Variants in KLF8 observed in about 807,000 individuals in gnomAD.
KLF8 encodes Krueppel-like factor 8.
A neutral mutation model predicts 18.2 loss-of-function variants in KLF8; 10 were observed. That is an observed-to-expected ratio of 0.55 (90% CI 0.34 to 0.93). The LOEUF is 0.93. KLF8 is among the 40% of genes least tolerant of loss of function. KLF8 has a pLI of 0.02. For synonymous variants in KLF8, 109 were observed against 97.3 expected (o/e 1.12, Z -0.71); for missense variants, 264 against 277.9 (o/e 0.95, Z 0.36).
the KLF8 span, among the ~76,000 whole-genome samples, chrX:56,053,205 G>T: frequency 8.9e-6 from 1 of 112,368 alleles, no homozygotes; most frequent in Non-Finnish European, 1.9e-5. Flanking sequence ...ACCTCAGATG[G>T]AAATGCAGAA....
the KLF8 span, among the ~76,000 whole-genome samples, chrX:56,017,277 G>C: frequency 2.7e-5 from 3 of 112,455 alleles, no homozygotes; most frequent in African/African-American, 9.7e-5. Flanking sequence ...TATGTATGCT[G>C]AGAGGGTGGC....
At chrX:56,073,561 AC>A in the KLF8 span, among the ~76,000 whole-genome samples, 1 of 111,149 alleles carries the variant, frequency 9.0e-6, no homozygotes, top group Non-Finnish European at 1.9e-5. Flanking sequence ...CTTTTGAGGT[AC>A]TACTATATTA....
At chrX:56,074,911 A>T in the KLF8 span, 1 of 112,117 alleles carries the variant, frequency 8.9e-6, no homozygotes, top group East Asian at 2.8e-4. Context: ...CCAATCTATG[A>T]ATGCAAGAAG....
the KLF8 span, among the ~76,000 whole-genome samples, chrX:55,999,637 T>G: frequency 9.0e-6 from 1 of 111,230 alleles, no homozygotes; most frequent in Non-Finnish European, 1.9e-5. Context: ...ACTGATTTCT[T>G]GATTTGATTA....
chrX:56,000,963 G>A, the KLF8 span, among the ~76,000 whole-genome samples: 4 of 111,873 alleles, frequency 3.6e-5, no homozygotes, highest in Non-Finnish European at 7.5e-5. Context: ...CAGAGTAATT[G>A]CTAGAATTGC....
chrX:55,921,812 T>G, the KLF8 span, among the ~76,000 whole-genome samples: 2 of 112,038 alleles, frequency 1.8e-5, no homozygotes, highest in African/African-American at 6.5e-5. Flanking sequence ...AGGACATGAA[T>G]AGACACTTCT....
At chrX:56,244,813 T>C (rs1473001369) in intron 1 of KLF8, among the ~76,000 whole-genome samples, 1 of 112,518 alleles carries the variant, frequency 8.9e-6, no homozygotes, top group East Asian at 2.8e-4. Context: ...TTTTTATTTT[T>C]AAATAGTTCC....
At chrX:56,087,131 A>G in the KLF8 span, among the ~76,000 whole-genome samples, 3 of 111,481 alleles carry the variant, frequency 2.7e-5, no homozygotes, top group Non-Finnish European at 5.7e-5. Context: ...CAAACAGAAC[A>G]CAGGTTGCCA....
the KLF8 span, among the ~76,000 whole-genome samples, chrX:56,057,682 G>A: frequency 9.0e-6 from 1 of 111,441 alleles, no homozygotes; most frequent in Non-Finnish European, 1.9e-5. Flanking sequence ...GGGTGCTCAT[G>A]TCAGACCAGC....
the KLF8 span, among the ~76,000 whole-genome samples, chrX:55,968,973 C>T: frequency 9.0e-6 from 1 of 111,454 alleles, no homozygotes; most frequent in Non-Finnish European, 1.9e-5. Flanking sequence ...ATAATTAGAG[C>T]TAAAGAGAGA....
chrX:56,045,756 G>T, the KLF8 span, among the ~76,000 whole-genome samples: 2 of 111,422 alleles, frequency 1.8e-5, no homozygotes, highest in African/African-American at 3.3e-5. Flanking sequence ...CATTAAATTT[G>T]TGTCCTGAAT....
chrX:55,938,303 A>C, the KLF8 span, among the ~76,000 whole-genome samples: 6 of 111,315 alleles, frequency 5.4e-5, no homozygotes, highest in Middle Eastern at 4.2e-3. Context: ...GAAATAAAAT[A>C]CTTTACAGAC....
chrX:56,059,541 G>A, the KLF8 span, among the ~76,000 whole-genome samples: 1 of 111,947 alleles, frequency 8.9e-6, no homozygotes, highest in Non-Finnish European at 1.9e-5. Flanking sequence ...TAAGGTGTAA[G>A]GAAGGGGTCC....
the KLF8 span, among the ~76,000 whole-genome samples, chrX:55,986,693 A>G: frequency 2.7e-5 from 3 of 111,512 alleles, no homozygotes; most frequent in South Asian, 3.8e-4. Flanking sequence ...AGATTATTTG[A>G]TTTTTTCAAC....
the KLF8 span, among the ~76,000 whole-genome samples, chrX:56,063,604 G>A: frequency 1.1e-4 from 12 of 111,783 alleles, no homozygotes; most frequent in Admixed American, 3.8e-4. Flanking sequence ...CCTGCTGGGA[G>A]GTGTGTCCCA....
At chrX:55,923,704 A>ATG in the KLF8 span, among the ~76,000 whole-genome samples, 1 of 63,864 alleles carries the variant, frequency 1.6e-5, no homozygotes. Context: ...TTAAAGATCC[A>ATG]CGTGTGTGTG....
At chrX:56,143,580 C>T in the KLF8 span, among the ~76,000 whole-genome samples, 1 of 111,195 alleles carries the variant, frequency 9.0e-6, no homozygotes, top group Admixed American at 9.6e-5. Context: ...TAATAGACAC[C>T]CTTATTTCAT....
chrX:56,038,163 C>A, the KLF8 span, among the ~76,000 whole-genome samples: 1 of 112,167 alleles, frequency 8.9e-6, no homozygotes, highest in East Asian at 2.8e-4. Context: ...GGGTCGTATT[C>A]TTTTTATGAC....
the KLF8 span, among the ~76,000 whole-genome samples, chrX:56,054,888 A>C: frequency 1.8e-5 from 2 of 111,631 alleles, no homozygotes; most frequent in Non-Finnish European, 3.8e-5. Flanking sequence ...GTTTTGCCTG[A>C]AGTTAGGATT....
Sources: allele counts gnomAD v4.1 joint callset (sites outside exome capture counted in the v4.1 genomes callset), GRCh38; gene constraint gnomAD v4.1.1; transcripts MANE v1.5; gene names NCBI Gene and HGNC (gene_info 2026-07-23, HGNC 2026-07-21).